The following OSBPL2 variants were observed in gnomAD, a reference collection of about 807,000 sequenced individuals.
The protein encoded by OSBPL2 is oxysterol binding protein like 2.
A neutral mutation model predicts 58.4 loss-of-function variants in OSBPL2; 18 were observed. The observed-to-expected ratio is 0.31, with a 90% CI of 0.21 to 0.46. The LOEUF is 0.46. Ranked by LOEUF, OSBPL2 falls within the 20% of genes least tolerant of loss-of-function variation. The probability of loss-of-function intolerance (pLI) is 1.00; values close to 1 mark genes in which losing one functional copy is unlikely to be tolerated. For synonymous variants in OSBPL2, 221 were observed against 234.1 expected, an observed-to-expected ratio of 0.94 and a Z score of 0.51; for missense variants, 461 against 616.5, an observed-to-expected ratio of 0.75 and a Z score of 2.67.
chr20:62,268,647 T>A (rs1317023343), intron 4 of OSBPL2, among the ~76,000 whole-genome samples: 2 of 152,204 alleles, frequency 1.3e-5, no homozygotes, highest in African/African-American at 2.4e-5. Context: ...TCGCCCAGTC[T>A]GGAGTGCAGT....
intron 11 of OSBPL2, among the ~76,000 whole-genome samples, chr20:62,287,455 T>C (rs1983208468): frequency 6.6e-6 from 1 of 152,192 alleles, no homozygotes; most frequent in African/African-American, 2.4e-5. Flanking sequence ...GGTTTAACAA[T>C]GCTATTTTCT....
Position 62,280,089 on chromosome 20 carries a change from T to C in OSBPL2, c.674+750T>C, listed in dbSNP as rs556038536. Reference sequence around the variant, plus strand: ...TAAGACCCGACAGACACAGACCGGATGCTGGCGTCCTCCTGGGCCACCAGT... The same window carrying C: ...TAAGACCCGACAGACACAGACCGGACGCTGGCGTCCTCCTGGGCCACCAGT... On this transcript the variant is annotated intron_variant, in intron 7 of 13. Transcript: ENST00000313733. 40 of 1,304,280 alleles carry C rather than the reference T, an allele frequency of 3.1e-5. No individual in the cohort carries two copies. The South Asian group carries it at 3.9e-4, about 13-fold the overall frequency. 80.8% of individuals were successfully genotyped at this position (1,304,280 alleles called of 1,614,324 possible). A position where few individuals can be genotyped will look rare whatever the true frequency, so the allele number is the denominator to read the frequency against.
At chr20:62,287,351 A>G (rs915098489) in intron 11 of OSBPL2, among the ~76,000 whole-genome samples, 7 of 152,260 alleles carry the variant, frequency 4.6e-5, no homozygotes, top group Non-Finnish European at 8.8e-5. Context: ...TAAACAGAGC[A>G]GAACATGCGT....
chr20:62,289,729 C>G (rs946831421), intron 12 of OSBPL2, among the ~76,000 whole-genome samples: 2 of 152,092 alleles, frequency 1.3e-5, no homozygotes, highest in African/African-American at 4.8e-5. Context: ...CAAGGCAAAA[C>G]TCCATCTCTA....
chr20:62,256,343 A>G, intron 2 of OSBPL2, 122 bp downstream of exon 2: 3 of 784,088 alleles, frequency 3.8e-6, no homozygotes, highest in Non-Finnish European at 6.2e-6. Context: ...GTGAGCGTTC[A>G]CGATCCCAAA....
chr20:62,247,686 A>AGCTGGAGTCTCGCTCTGTCGCCCAG (rs1980220816), intron 1 of OSBPL2, among the ~76,000 whole-genome samples: 2 of 137,674 alleles, frequency 1.5e-5, no homozygotes, highest in African/African-American at 5.4e-5. Context: ...TTTTTTTTTG[A>AGCTGGAGTCTCGCTCTGTCGCCCAG]GCTGGAGTCT....
At chr20:62,250,161 T>C (rs1021779484) in intron 1 of OSBPL2, among the ~76,000 whole-genome samples, 1 of 152,246 alleles carries the variant, frequency 6.6e-6, no homozygotes, top group African/African-American at 2.4e-5. Context: ...CCAGGTAGGC[T>C]CTCTGTGAGT....
intron 6 of OSBPL2, among the ~76,000 whole-genome samples, chr20:62,277,858 A>G (rs1413412201): frequency 6.6e-6 from 1 of 152,200 alleles, no homozygotes; most frequent in Non-Finnish European, 1.5e-5. Flanking sequence ...AAGAGAGTAC[A>G]CTAAAAATCC....
intron 11 of OSBPL2, 70 bp from the exon 12 acceptor site, chr20:62,289,137 G>A: frequency 6.4e-7 from 1 of 1,564,846 alleles, no homozygotes; most frequent in Non-Finnish European, 8.7e-7. Context: ...GGGGCCCACT[G>A]GGGGTCTTGG....
chr20:62,277,710 T>C (rs917096189), intron 6 of OSBPL2, among the ~76,000 whole-genome samples: 5 of 152,252 alleles, frequency 3.3e-5, no homozygotes, highest in African/African-American at 4.8e-5. Context: ...TTCAACTTTC[T>C]TTCTTCTGTA....
At chr20:62,293,761 A>G (rs750786956) in intron 13 of OSBPL2, 24 bp from the exon 14 acceptor site, 10 of 1,608,200 alleles carry the variant, frequency 6.2e-6, no homozygotes, top group Non-Finnish European at 6.8e-6. Context: ...GCATCTTCTG[A>G]CCCCCCTCCC....
intron 12 of OSBPL2, among the ~76,000 whole-genome samples, chr20:62,290,372 A>G (rs1044119958): frequency 2.7e-5 from 4 of 148,542 alleles, no homozygotes; most frequent in African/African-American, 1.0e-4. Context: ...AGTAGCTGGG[A>G]CTACAAGTGC....
At chr20:62,242,074 A>G (rs976865982) in intron 1 of OSBPL2, among the ~76,000 whole-genome samples, 2 of 152,120 alleles carry the variant, frequency 1.3e-5, no homozygotes, top group African/African-American at 4.8e-5. Context: ...GTTTAAATGC[A>G]CTTTCCACAT....
chr20:62,263,688 C>T lies in OSBPL2; in HGVS notation c.255C>T (p.Gly85=). The part of the protein sequence containing the change: ...SVWTILKKCV[G]LELSKITMPI... ...GGACCATCCTGAAGAAGTGTGTTGG[C>T]CTGGTGAGTCCGGGGGCCCGTGTTC... Residue 85 remains glycine (G), a synonymous_variant, in exon 4 of 14, where the codon GGC becomes GGT. Transcript: ENST00000313733. The T allele has an allele frequency of 6.2e-7, 1 of 1,613,780 alleles. No homozygotes were observed. The highest frequency in any genetic ancestry group is 8.5e-7 in the Non-Finnish European group (1 of 1,179,678).
At chr20:62,262,209 C>T (rs544280272) in intron 3 of OSBPL2, among the ~76,000 whole-genome samples, 174 of 152,226 alleles carry the variant, frequency 1.1e-3, no homozygotes, top group African/African-American at 4.1e-3. Context: ...TGACCCAGCT[C>T]GGACAGTGCA....
At chr20:62,277,713 C>T (rs1312749887) in intron 6 of OSBPL2, among the ~76,000 whole-genome samples, 1 of 152,190 alleles carries the variant, frequency 6.6e-6, no homozygotes, top group Non-Finnish European at 1.5e-5. Context: ...AACTTTCTTT[C>T]TTCTGTAATG....
chr20:62,286,329 A>G (rs117113349), intron 10 of OSBPL2: 13,666 of 340,400 alleles, frequency 0.04, 365 homozygotes, highest in Middle Eastern at 0.081. Flanking sequence ...GGGCACCTGT[A>G]TTTCCAGCTA....
intron 9 of OSBPL2, among the ~76,000 whole-genome samples, chr20:62,283,702 C>T (rs35636653): frequency 0.35 from 52,677 of 151,906 alleles, 9,278 homozygotes; most frequent in Middle Eastern, 0.44. Context: ...CTTCCCGTCT[C>T]CTGCAGCCCC....
chr20:62,271,690 G>A (rs188685467), intron 4 of OSBPL2: 135 of 173,490 alleles, frequency 7.8e-4, no homozygotes, highest in African/African-American at 2.1e-3. Context: ...GACCTCAAGG[G>A]ATCCACCCGC....
Sources: gnomAD v4.1 joint callset for allele counts (sites outside exome capture counted in the v4.1 genomes callset) on GRCh38, gnomAD v4.1.1 for gene constraint, MANE v1.5 for transcripts, NCBI Gene and HGNC (gene_info 2026-07-23, HGNC 2026-07-21) for gene names.